The following DIABLO variants were observed in gnomAD, a reference collection of about 807,000 sequenced individuals.
The protein encoded by DIABLO is diablo IAP-binding mitochondrial protein, also known as diablo homolog, mitochondrial.
Under a neutral mutation model 31.7 loss-of-function variants are expected in DIABLO, and 32 were observed. The observed-to-expected ratio is 1.01, with a 90% CI of 0.76 to 1.35. DIABLO has a LOEUF of 1.35. Among genes scored for constraint, DIABLO ranks in the 40% most tolerant of loss-of-function variants. The probability of loss-of-function intolerance (pLI) is 0.00; values close to 1 mark genes in which losing one functional copy is unlikely to be tolerated. For synonymous variants in DIABLO, 132 were observed against 103.2 expected, an observed-to-expected ratio of 1.28 and a Z score of -1.69; for missense variants, 316 against 286.4, an observed-to-expected ratio of 1.10 and a Z score of -0.75.
intron 5 of DIABLO, among the ~76,000 whole-genome samples, chr12:122,211,077 TA>T (rs1156571584): frequency 0.015 from 216 of 14,336 alleles, no homozygotes; most frequent in African/African-American, 0.043. Context: ...TAGTTAAAAG[TA>T]AAAAAAAAAA....
chr12:122,209,807 G>A lies in DIABLO; in HGVS notation c.524-1230C>T, dbSNP rs1954039237. On this transcript the variant is annotated intron_variant, in intron 5 of 5. Coordinates refer to ENST00000464942, the MANE Select transcript of DIABLO (RefSeq NM_001371333.1). Reference sequence around the variant, plus strand: ...AAGAACCTTCAGGACAATGTTGACAGGTAGTGGAGAATGGCAGGCATCCTC... The same window carrying A: ...AAGAACCTTCAGGACAATGTTGACAAGTAGTGGAGAATGGCAGGCATCCTC... 1.0e-5 allele frequency: 7 copies of A among 703,440 alleles called. No individual in the cohort carries two copies. The South Asian group carries it at 1.0e-4, about 10-fold the overall frequency. The allele number at this position is 703,440 out of a possible 1,614,324, so 43.6% of individuals were successfully genotyped here.
chr12:122,219,166 G>A (rs1954281460), intron 2 of DIABLO, among the ~76,000 whole-genome samples: 1 of 152,072 alleles, frequency 6.6e-6, no homozygotes, highest in South Asian at 2.1e-4. Context: ...CCAGGAGGCA[G>A]AGGTTGCAGT....
rs1273774512 is a variant in DIABLO, at chr12:122,218,352, C to T, written c.229G>A (p.Ala77Thr). Residue 77 changes from alanine (A) to threonine (T), a missense_variant, in exon 3 of 6, where the codon GCA becomes ACA. Ala to Thr is a moderately conservative substitution (Grantham distance 58, BLOSUM62 0). Coordinates refer to ENST00000464942, the MANE Select transcript of DIABLO (RefSeq NM_001371333.1). ...SLSSEALMRR[A>T]VSLVTDSTST... ...GTGCTATCTGTTACCAAAGACACTG[C>T]TCTCCTCATCAATGCTTCACTACTA... is the stretch of plus-strand genomic sequence containing the variant. The T allele has an allele frequency of 3.1e-6, 5 of 1,614,034 alleles. No individual in the cohort carries two copies. The African/African-American group carries it at 4.0e-5, about 13-fold the overall frequency.
At chr12:122,222,598 G>T (rs1251350983) in intron 2 of DIABLO, 2 of 150,572 alleles carry the variant, frequency 1.3e-5, no homozygotes. Context: ...AAAATTTTTG[G>T]AATCTAGAGC....
At chr12:122,227,393 C>A (rs1027779909), upstream of DIABLO, 1 of 454,158 alleles carries the variant, frequency 2.2e-6, no homozygotes, top group Non-Finnish European at 4.4e-6. Context: ...CCTGAAGCTC[C>A]GCGGTTCTGT....
intron 5 of DIABLO, among the ~76,000 whole-genome samples, chr12:122,213,281 G>A (rs1954128324): frequency 6.6e-6 from 1 of 151,860 alleles, no homozygotes; most frequent in Non-Finnish European, 1.5e-5. Context: ...TGTAATCCCA[G>A]CAGTTTGAGA....
At chr12:122,216,680 G>C in intron 4 of DIABLO, 79 bp downstream of exon 4, 1 of 1,549,398 alleles carries the variant, frequency 6.5e-7, no homozygotes. Flanking sequence ...TGATTATATT[G>C]ATTAGACTTA....
At chr12:122,221,770 C>T (rs953925054) in intron 2 of DIABLO, 1 of 151,860 alleles carries the variant, frequency 6.6e-6, no homozygotes, top group Non-Finnish European at 1.5e-5. Context: ...GTCATGTGGC[C>T]CAGAACTGAG....
chr12:122,216,910 GAC>G, intron 3 of DIABLO, 41 bp from the exon 4 acceptor site: 1 of 1,515,898 alleles, frequency 6.6e-7, no homozygotes, highest in South Asian at 1.1e-5. Flanking sequence ...AAGTAAGTGA[GAC>G]ATATCAGAAG....
chr12:122,223,717 C>A (rs900024991), intron 2 of DIABLO, among the ~76,000 whole-genome samples: 1 of 152,212 alleles, frequency 6.6e-6, no homozygotes, highest in African/African-American at 2.4e-5. Context: ...ACATTCAGAT[C>A]TCTACTTCGC....
chr12:122,217,278 T>G (rs116805822), intron 3 of DIABLO: 2,594 of 239,218 alleles, frequency 0.011, 68 homozygotes, highest in African/African-American at 0.055. Flanking sequence ...TTTGGGAGGC[T>G]AAGACACGTG....
chr12:122,225,169 C>T (rs1954426321), intron 1 of DIABLO: 1 of 260,510 alleles, frequency 3.8e-6, no homozygotes, highest in African/African-American at 2.3e-5. Flanking sequence ...GCCGAGAGCG[C>T]CCCACTGCAC....
At chr12:122,212,613 G>A (rs181134402) in intron 5 of DIABLO, among the ~76,000 whole-genome samples, 54 of 147,504 alleles carry the variant, frequency 3.7e-4, no homozygotes, top group African/African-American at 1.3e-3. Context: ...TTTATTGTTC[G>A]CTTATTTATT....
At chr12:122,226,262 G>A (rs577964364), upstream of DIABLO, 101 of 703,954 alleles carry the variant, frequency 1.4e-4, 1 homozygote, top group Middle Eastern at 1.5e-3. Context: ...CTGAGGGCGC[G>A]GAGGTGGGTC....
At chr12:122,227,421 G>A (rs1217257459), upstream of DIABLO, 4 of 454,066 alleles carry the variant, frequency 8.8e-6, no homozygotes, top group African/African-American at 6.0e-5. Context: ...GGTGCCCAAA[G>A]GTAGCTTGTG....
chr12:122,227,279 A>G, upstream of DIABLO: 1 of 423,172 alleles, frequency 2.4e-6, no homozygotes, highest in South Asian at 1.7e-5. Context: ...GAACCCTACA[A>G]CACCTCCAAT....
intron 1 of DIABLO, chr12:122,225,000 G>A (rs1954421259): frequency 2.3e-6 from 1 of 439,276 alleles, no homozygotes; most frequent in Non-Finnish European, 3.9e-6. Context: ...ATCACTTGAG[G>A]TCAGGAATTC....
At chr12:122,224,270 T>C (rs905678493) in intron 2 of DIABLO, among the ~76,000 whole-genome samples, 1 of 152,218 alleles carries the variant, frequency 6.6e-6, no homozygotes, top group African/African-American at 2.4e-5. Flanking sequence ...GTTGATAGAC[T>C]GTAATATCCT....
At chr12:122,220,823 A>G (rs1048121942) in intron 2 of DIABLO, 3 of 152,322 alleles carry the variant, frequency 2.0e-5, no homozygotes, top group East Asian at 1.9e-4. Flanking sequence ...CAAATAATTA[A>G]GTATTCATTA....
Sources: gnomAD v4.1 joint callset for allele counts (sites outside exome capture counted in the v4.1 genomes callset) on GRCh38, gnomAD v4.1.1 for gene constraint, MANE v1.5 for transcripts, NCBI Gene and HGNC (gene_info 2026-07-23, HGNC 2026-07-21) for gene names.